Variants in LRRC7 observed in about 807,000 individuals in gnomAD.
LRRC7 encodes the protein leucine-rich repeat-containing protein 7.
Under a neutral mutation model 175.7 loss-of-function variants are expected in LRRC7, and 23 were observed. That is an observed-to-expected ratio of 0.13 (90% CI 0.09 to 0.19). The LOEUF (loss-of-function observed/expected upper bound fraction) is 0.19, where lower values mean the gene tolerates loss of function less well. LRRC7 is among the 10% of genes least tolerant of loss of function. The pLI is 1.00. For synonymous variants in LRRC7, 685 were observed against 680.9 expected, an observed-to-expected ratio of 1.01 and a Z score of -0.09; for missense variants, 1,354 against 1,904.7, an observed-to-expected ratio of 0.71 and a Z score of 5.38.
At chr1:69,599,333 T>C (rs372191280) in intron 1 of LRRC7, among the ~76,000 whole-genome samples, 2 of 152,304 alleles carry the variant, frequency 1.3e-5, no homozygotes, top group Middle Eastern at 3.4e-3. Flanking sequence ...TGCAATTTTC[T>C]TTTAGTCTGT....
Position 70,093,295 on chromosome 1 carries a change from A to G in LRRC7, c.4545+3476A>G, listed in dbSNP as rs1664159156. On this transcript the variant is annotated intron_variant, in intron 25 of 26. Coordinates refer to ENST00000651989, the MANE Select transcript of LRRC7 (RefSeq NM_001370785.2). ...ATTGAGTATATACAAAATGCTGGGC[A>G]CTGTATTAGGCTCTTTATAAATATG... 2.0e-5 allele frequency among the ~76,000 whole-genome samples: 3 copies of G among 152,306 alleles called. No individual in the cohort carries two copies. In the South Asian group the frequency reaches 6.2e-4, roughly 32 times the overall value.
chr1:69,570,655 C>T (rs185572314), intron 1 of LRRC7, among the ~76,000 whole-genome samples: 1 of 152,022 alleles, frequency 6.6e-6, no homozygotes, highest in Non-Finnish European at 1.5e-5. Context: ...GGAACTACCA[C>T]GAGGTGTTTT....
In LRRC7 at chr1:69,603,902, C is replaced by T. The variant is rs527756010; in HGVS notation, c.2+35261C>T. Among the ~76,000 whole-genome samples the T allele has an allele frequency of 7.2e-5, 11 of 152,020 alleles. No homozygotes were observed. In the South Asian group the frequency reaches 1.5e-3, roughly 20 times the overall value. ...TGTGCCTTTTTCTTCCTTTATTCTT[C>T]GTAGTTTGATACATTTGTGATATTA... On this transcript the variant is annotated intron_variant, in intron 1 of 26. Coordinates refer to ENST00000651989, the MANE Select transcript of LRRC7 (RefSeq NM_001370785.2).
chr1:69,631,702 G>A (rs1019043652), intron 1 of LRRC7, among the ~76,000 whole-genome samples: 1 of 152,010 alleles, frequency 6.6e-6, no homozygotes, highest in African/African-American at 2.4e-5. Context: ...TCAATGCAGA[G>A]CTCTGTTCAA....
At chr1:69,899,337 C>T (rs561902833) in intron 7 of LRRC7, among the ~76,000 whole-genome samples, 31 of 152,292 alleles carry the variant, frequency 2.0e-4, no homozygotes, top group African/African-American at 6.7e-4. Flanking sequence ...ACCAGCTGTT[C>T]GCTGTCAGAG....
Position 70,038,454 on chromosome 1 carries a change from C to G in LRRC7, c.2630C>G (p.Ser877Cys). 6.2e-7 allele frequency: 1 copy of G among 1,614,112 alleles called. No individual in the cohort carries two copies. Among genetic ancestry groups the G allele is most frequent in the Non-Finnish European group, 8.5e-7 (1 of 1,180,002 alleles). Residue 877 changes from serine (S) to cysteine (C), a missense_variant, in exon 21 of 27, where the codon TCC (serine) becomes TGC (cysteine). Around this residue, in one of 4 missense-constraint regions of LRRC7, gnomAD observed 1,032 missense variants for 1,227.2 expected, o/e 0.84. Coordinates refer to ENST00000651989, the MANE Select transcript of LRRC7 (RefSeq NM_001370785.2). ...ACACCAGAAACAGAAGTGCCTCCTT[C>G]CAATCCTTGGCAGAATTGGACCAGA... ...RHTPETEVPP[S>C]NPWQNWTRTP...
intron 7 of LRRC7, among the ~76,000 whole-genome samples, chr1:69,849,366 A>G (rs547630645): frequency 6.6e-5 from 10 of 152,110 alleles, no homozygotes; most frequent in Non-Finnish European, 1.2e-4. Flanking sequence ...AAGGCTATCT[A>G]TTGGCTCTGG....
rs551157581 is a variant in LRRC7 at position 69,577,509 on chromosome 1, G to T, written c.2+8868G>T. ...GTTTTCTTCTAGGGTTTTTATGGTTGTAGGTCTAACGTTTAAGTCTTTAAT... is the reference window on the plus strand; with the variant it reads ...GTTTTCTTCTAGGGTTTTTATGGTTTTAGGTCTAACGTTTAAGTCTTTAAT... On this transcript the variant is annotated intron_variant, in intron 1 of 26. Coordinates refer to ENST00000651989, the MANE Select transcript of LRRC7 (RefSeq NM_001370785.2). Among the ~76,000 whole-genome samples the T allele has an allele frequency of 1.4e-3, 219 of 152,214 alleles. 1 individual carries two copies. The highest frequency in any genetic ancestry group is 4.9e-3 in the African/African-American group (204 of 41,546).
Position 70,133,006 on chromosome 1 carries a change from A to G in LRRC7, c.*11119A>G, listed in dbSNP as rs559666566. Among the ~76,000 whole-genome samples the G allele has an allele frequency of 1.4e-4, 21 of 152,274 alleles. No individual in the cohort carries two copies. The highest frequency in any genetic ancestry group is 2.6e-4 in the Non-Finnish European group (18 of 68,024). ...AAGCAACAAATTGTGTTTCATCTCAATAAAATCCTCTAGTTTAAATTACTG... is the reference window on the plus strand; with the variant it reads ...AAGCAACAAATTGTGTTTCATCTCAGTAAAATCCTCTAGTTTAAATTACTG... On this transcript the variant is annotated 3_prime_UTR_variant, in exon 27 of 27. Transcript: ENST00000651989.
intron 1 of LRRC7, among the ~76,000 whole-genome samples, chr1:69,609,735 A>G (rs939666886): frequency 6.6e-6 from 1 of 152,074 alleles, no homozygotes; most frequent in Admixed American, 6.6e-5. Flanking sequence ...AGTAATATAT[A>G]TCTACTTTAT....
At chr1:69,882,666 A>C (rs1223781197) in intron 7 of LRRC7, among the ~76,000 whole-genome samples, 1 of 149,380 alleles carries the variant, frequency 6.7e-6, no homozygotes, top group Non-Finnish European at 1.5e-5. Context: ...CACATTGTGC[A>C]GGTTAGTTAC....
chr1:69,755,324 C>A (rs1670288538), intron 2 of LRRC7, among the ~76,000 whole-genome samples: 1 of 148,050 alleles, frequency 6.8e-6, no homozygotes, highest in African/African-American at 2.5e-5. Context: ...TCCACTAAAC[C>A]AAAAGGAATA....
chr1:69,965,443 A>T (rs557910313), intron 8 of LRRC7, among the ~76,000 whole-genome samples: 147 of 152,288 alleles, frequency 9.7e-4, no homozygotes, highest in Non-Finnish European at 1.8e-3. Flanking sequence ...TAAAATATTC[A>T]TAAGGGCTTA....
intron 8 of LRRC7, among the ~76,000 whole-genome samples, chr1:69,938,638 G>C (rs115076332): frequency 0.014 from 2,054 of 151,964 alleles, 26 homozygotes; most frequent in South Asian, 0.026. Context: ...AACTAAAATT[G>C]ACTAGAATTA....
intron 2 of LRRC7, among the ~76,000 whole-genome samples, chr1:69,683,189 G>T (rs1327195100): frequency 1.3e-5 from 2 of 152,014 alleles, no homozygotes; most frequent in Admixed American, 6.6e-5. Context: ...ATAAACCCGG[G>T]AGTCCTCTTT....
intron 2 of LRRC7, among the ~76,000 whole-genome samples, chr1:69,715,770 T>C (rs1007906191): frequency 2.6e-5 from 4 of 151,954 alleles, no homozygotes; most frequent in African/African-American, 7.2e-5. Context: ...ATTTTTTAAA[T>C]TTTTTTATAA....
intron 1 of LRRC7, among the ~76,000 whole-genome samples, chr1:69,655,717 ATAG>A (rs1489267809): frequency 6.6e-6 from 1 of 152,100 alleles, no homozygotes; most frequent in African/African-American, 2.4e-5. Context: ...ACATGCCTGA[ATAG>A]TTAATTGATA....
At chr1:69,754,859 A>G (rs1035967605) in intron 2 of LRRC7, among the ~76,000 whole-genome samples, 2 of 152,114 alleles carry the variant, frequency 1.3e-5, no homozygotes, top group Non-Finnish European at 2.9e-5. Context: ...AAAAATGTAC[A>G]GTCATCCACT....
chr1:69,709,234 G>A (rs1022232710), intron 2 of LRRC7, among the ~76,000 whole-genome samples: 1 of 152,214 alleles, frequency 6.6e-6, no homozygotes, highest in Non-Finnish European at 1.5e-5. Flanking sequence ...ACAGTTCAGT[G>A]CAGATTGAGA....
Sources: gnomAD v4.1 joint callset for allele counts (sites outside exome capture counted in the v4.1 genomes callset) on GRCh38, gnomAD v4.1.1 for gene constraint, gnomAD v4.1.1 regional missense constraint, MANE v1.5 for transcripts, NCBI Gene and HGNC (gene_info 2026-07-23, HGNC 2026-07-21) for gene names.